The following TLCD4 variants were observed in gnomAD, a reference collection of about 807,000 sequenced individuals.
The protein encoded by TLCD4 is TLC domain-containing protein 4.
Under a neutral mutation model 24.2 loss-of-function variants are expected in TLCD4, and 7 were observed. The observed-to-expected ratio is 0.29, with a 90% CI of 0.16 to 0.54. TLCD4 has a LOEUF of 0.54. Ranked by LOEUF, TLCD4 falls within the 20% of genes least tolerant of loss-of-function variation. TLCD4 has a pLI of 0.95. For missense variants in TLCD4, 259 were observed against 313.9 expected (o/e 0.82, Z 1.32); for synonymous variants, 103 against 106.4 (o/e 0.97, Z 0.20).
chr1:95,166,688 A>G (rs889661877), intron 5 of TLCD4, among the ~76,000 whole-genome samples: 6 of 152,136 alleles, frequency 3.9e-5, no homozygotes, highest in African/African-American at 9.7e-5. Context: ...AGGAAGGAAT[A>G]GGCCGTTTTA....
intron 1 of TLCD4, chr1:95,120,051 C>T (rs1174348353): frequency 6.6e-6 from 1 of 152,132 alleles, no homozygotes; most frequent in East Asian, 1.9e-4. Context: ...CAACTTGTGC[C>T]CTCGTCCTTG....
chr1:95,123,588 G>T (rs1676627824), intron 1 of TLCD4, among the ~76,000 whole-genome samples: 1 of 152,124 alleles, frequency 6.6e-6, no homozygotes, highest in African/African-American at 2.4e-5. Context: ...TCCTCTTCCA[G>T]CTCCCACCCT....
chr1:95,153,036 T>C (rs1306828775), intron 5 of TLCD4, among the ~76,000 whole-genome samples: 1 of 151,958 alleles, frequency 6.6e-6, no homozygotes, highest in East Asian at 1.9e-4. Flanking sequence ...TCAATATGCA[T>C]CAATTTCCAA....
Position 95,151,349 on chromosome 1 carries a change from G to T in TLCD4, c.329G>T (p.Trp110Leu). ...ISDLSIIILYWKVIGDKFFIM... is the reference protein window; with the variant it reads ...ISDLSIIILYLKVIGDKFFIM... ...GATTTGTCCATTATAATTTTGTATT[G>T]GAAAGTGATTGGTGACAAATTTTTT... Residue 110 changes from tryptophan (W) to leucine (L), a missense_variant, in exon 5 of 7, where the codon TGG (tryptophan) becomes TTG (leucine). Transcript: ENST00000370203. The T allele has an allele frequency of 1.2e-6, 2 of 1,613,092 alleles. No individual in the cohort carries two copies. Among genetic ancestry groups the T allele is most frequent in the Non-Finnish European group, 1.7e-6 (2 of 1,179,398 alleles).
At chr1:95,121,722 A>C (rs1414709381) in intron 1 of TLCD4, among the ~76,000 whole-genome samples, 3 of 152,192 alleles carry the variant, frequency 2.0e-5, no homozygotes, top group Non-Finnish European at 2.9e-5. Context: ...CGCCCAACTC[A>C]GCCTCCCAAA....
At chr1:95,139,494 T>C (rs1677143277) in intron 1 of TLCD4, among the ~76,000 whole-genome samples, 2 of 140,632 alleles carry the variant, frequency 1.4e-5, no homozygotes, top group South Asian at 4.6e-4. Flanking sequence ...GTTTCATTCT[T>C]GTCACCTAGG....
chr1:95,122,652 T>C (rs143103346), intron 1 of TLCD4, among the ~76,000 whole-genome samples: 2 of 152,330 alleles, frequency 1.3e-5, no homozygotes, highest in East Asian at 3.9e-4. Context: ...CCTGACTCCA[T>C]GGAGCTCAAT....
rs1215937209 is a variant in TLCD4 at position 95,166,810 on chromosome 1, G to A, written c.400-7006G>A. ...AGTGGTGCAGTCATAGCTTGCTATG[G>A]CCTTAACTCCTGAGCTCAAGTGATC... is the stretch of plus-strand genomic sequence containing the variant. On this transcript the variant is annotated intron_variant, in intron 5 of 6. Transcript: ENST00000370203. Among the ~76,000 whole-genome samples the A allele has an allele frequency of 2.6e-5, 4 of 151,956 alleles. No individual in the cohort carries two copies. The South Asian group carries it at 6.2e-4, about 24-fold the overall frequency.
chr1:95,105,908 A>G, the TLCD4 span, among the ~76,000 whole-genome samples: 17 of 150,302 alleles, frequency 1.1e-4, no homozygotes, highest in Admixed American at 2.7e-4. Flanking sequence ...AAAAAAAAAA[A>G]AAAAGAAAAG....
intron 2 of TLCD4, among the ~76,000 whole-genome samples, chr1:95,148,465 C>G (rs1414955720): frequency 6.6e-6 from 1 of 152,208 alleles, no homozygotes; most frequent in East Asian, 1.9e-4. Flanking sequence ...CACCAGTTCT[C>G]TAGCAGGAAA....
chr1:95,107,520 A>G, the TLCD4 span, among the ~76,000 whole-genome samples: 1 of 152,206 alleles, frequency 6.6e-6, no homozygotes, highest in African/African-American at 2.4e-5. Flanking sequence ...CACTACAAAA[A>G]TATGATTCTT....
intron 1 of TLCD4, among the ~76,000 whole-genome samples, chr1:95,128,699 A>G (rs1004396775): frequency 2.0e-5 from 3 of 152,224 alleles, no homozygotes; most frequent in Admixed American, 6.5e-5. Context: ...CCCGCAAAAC[A>G]AACTATAGAA....
rs891558931 is a variant in TLCD4 at position 95,174,039 on chromosome 1, A to G, written c.473+150A>G. ...CACCATCATACAAATGAGGAAAGTG[A>G]GTTTTGGAAAGGTTAGAGTAACTTA... On this transcript the variant is annotated intron_variant, in intron 6 of 6. Transcript: ENST00000370203. The G allele has an allele frequency of 3.7e-5, 45 of 1,210,248 alleles. No homozygotes were observed. In the African/African-American group the frequency reaches 6.1e-4, roughly 17 times the overall value. 75.0% of individuals were successfully genotyped at this position (1,210,248 alleles called of 1,614,324 possible).
chr1:95,132,161 T>G (rs943307954), intron 1 of TLCD4, among the ~76,000 whole-genome samples: 18 of 152,092 alleles, frequency 1.2e-4, no homozygotes, highest in African/African-American at 4.3e-4. Context: ...CCTTTATAAA[T>G]TATACAGTCC....
At chr1:95,136,311 A>G (rs1677040451) in intron 1 of TLCD4, among the ~76,000 whole-genome samples, 1 of 152,144 alleles carries the variant, frequency 6.6e-6, no homozygotes, top group African/African-American at 2.4e-5. Flanking sequence ...GTCACTTACA[A>G]TGCTAAGGTC....
intron 1 of TLCD4, among the ~76,000 whole-genome samples, chr1:95,132,025 T>A (rs1459972738): frequency 6.6e-6 from 1 of 152,228 alleles, no homozygotes; most frequent in East Asian, 1.9e-4. Context: ...TCTTTACACA[T>A]ACCTGCTTCC....
chr1:95,159,715 T>C (rs1325899450), intron 5 of TLCD4, among the ~76,000 whole-genome samples: 1 of 152,222 alleles, frequency 6.6e-6, no homozygotes, highest in Non-Finnish European at 1.5e-5. Context: ...GTTTCAGCTT[T>C]CTACATGTGG....
chr1:95,138,047 G>A (rs1285702607), intron 1 of TLCD4, among the ~76,000 whole-genome samples: 3 of 151,992 alleles, frequency 2.0e-5, no homozygotes, highest in Non-Finnish European at 4.4e-5. Flanking sequence ...GAGTCTTTTG[G>A]GCTCCAGCCT....
intron 1 of TLCD4, among the ~76,000 whole-genome samples, chr1:95,124,560 A>G (rs1218304605): frequency 6.6e-6 from 1 of 152,136 alleles, no homozygotes; most frequent in African/African-American, 2.4e-5. Context: ...GTATCATGCC[A>G]TGGCACTGCT....
Sources: gnomAD v4.1 joint callset for allele counts (sites outside exome capture counted in the v4.1 genomes callset) on GRCh38, gnomAD v4.1.1 for gene constraint, MANE v1.5 for transcripts, NCBI Gene and HGNC (gene_info 2026-07-23, HGNC 2026-07-21) for gene names.